Variants in EVC2 observed in about 807,000 individuals in gnomAD.
The protein encoded by EVC2 is EvC ciliary complex subunit 2.
EVC2 carries 148 observed loss-of-function variants against 149.3 expected under a neutral mutation model. That is an observed-to-expected ratio of 0.99 (90% CI 0.87 to 1.14). The LOEUF (loss-of-function observed/expected upper bound fraction) is 1.14, where lower values mean the gene tolerates loss of function less well. Among genes scored for constraint, EVC2 ranks in the 50% most tolerant of loss-of-function variants. EVC2 has a pLI of 0.00. For missense variants in EVC2, 1,854 were observed against 1,627.3 expected (o/e 1.14, Z -2.40); for synonymous variants, 776 against 649.9 (o/e 1.19, Z -2.95).
chr4:5,539,042 T>C (rs1030824079), downstream of EVC2, among the ~76,000 whole-genome samples: 5 of 152,062 alleles, frequency 3.3e-5, no homozygotes, highest in African/African-American at 1.2e-4. Context: ...GTTGTCTAAA[T>C]AGAAAACCTG....
At chr4:5,597,077 G>C (rs1247451236) in intron 16 of EVC2, among the ~76,000 whole-genome samples, 2 of 152,142 alleles carry the variant, frequency 1.3e-5, no homozygotes, top group Admixed American at 6.5e-5. Context: ...ATAATCAATA[G>C]CTTACCAACC....
At chr4:5,532,287 G>A in the EVC2 span, among the ~76,000 whole-genome samples, 2 of 152,102 alleles carry the variant, frequency 1.3e-5, no homozygotes, top group Non-Finnish European at 2.9e-5. Context: ...TGCTGTTCAG[G>A]CTTTCAACTG....
At chr4:5,706,433 G>GATAGATAC (rs1722188016) in intron 1 of EVC2, among the ~76,000 whole-genome samples, 55 of 25,720 alleles carry the variant, frequency 2.1e-3, no homozygotes, top group Middle Eastern at 0.019. Context: ...TAGATACATA[G>GATAGATAC]ATAGATAGAT....
chr4:5,595,660 C>G (rs993265421), intron 16 of EVC2, among the ~76,000 whole-genome samples: 1 of 152,152 alleles, frequency 6.6e-6, no homozygotes, highest in African/African-American at 2.4e-5. Context: ...ACTGCATCAA[C>G]TAACGAGCAA....
chr4:5,650,224 T>C (rs1197862598), intron 9 of EVC2, among the ~76,000 whole-genome samples: 2 of 152,080 alleles, frequency 1.3e-5, no homozygotes, highest in East Asian at 3.9e-4. Context: ...GCCCACTCCC[T>C]ACTCCACCCA....
In EVC2 at chr4:5,708,394, G is replaced by A. The variant is rs1298529957; in HGVS notation, c.120C>T (p.Arg40=). The A allele has an allele frequency of 2.7e-6, 4 of 1,496,678 alleles. No homozygotes were observed. The highest frequency in any genetic ancestry group is 2.2e-5 in the Admixed American group (1 of 46,364). 92.7% of individuals were successfully genotyped at this position (1,496,678 alleles called of 1,614,324 possible). A position where few individuals can be genotyped will look rare whatever the true frequency, so the allele number is the denominator to read the frequency against. Residue 40 remains arginine (R), a synonymous_variant, in exon 1 of 22, where the codon CGC becomes CGT. Coordinates refer to ENST00000344408, the MANE Select transcript of EVC2 (RefSeq NM_147127.5). ...CCCGGGGTGGCTGCGCGCCGAGGGGGCGCCAGCGGGGACGTGAGCTGGCGC... is the reference window on the plus strand; with the variant it reads ...CCCGGGGTGGCTGCGCGCCGAGGGGACGCCAGCGGGGACGTGAGCTGGCGC... The part of the protein sequence containing the change: ...CLGASSRPRW[R]PLGAQPPRDP...
At chr4:5,671,739 T>C (rs926440535) in intron 7 of EVC2, among the ~76,000 whole-genome samples, 1 of 152,196 alleles carries the variant, frequency 6.6e-6, no homozygotes, top group African/African-American at 2.4e-5. Context: ...CTTAAACTCC[T>C]GACCTCGTGC....
intron 19 of EVC2, among the ~76,000 whole-genome samples, chr4:5,570,866 C>G (rs1392803785): frequency 6.6e-6 from 1 of 151,986 alleles, no homozygotes; most frequent in Non-Finnish European, 1.5e-5. Flanking sequence ...GAGCTGGAGG[C>G]CATTATTCTA....
At chr4:5,665,424 A>T (rs890059093) in intron 8 of EVC2, 91 bp downstream of exon 8, 2 of 1,595,998 alleles carry the variant, frequency 1.3e-6, no homozygotes, top group Non-Finnish European at 8.6e-7. Flanking sequence ...AGCAATGCTG[A>T]TGGGGATCCA....
chr4:5,625,639 T>A lies in EVC2; in HGVS notation c.2046+110A>T. 7.0e-7 allele frequency: 1 copy of A among 1,428,396 alleles called. No individual in the cohort carries two copies. The highest frequency in any genetic ancestry group is 9.7e-7 in the Non-Finnish European group (1 of 1,029,512). The allele number at this position is 1,428,396 out of a possible 1,614,324, so 88.5% of individuals were successfully genotyped here. On this transcript the variant is annotated intron_variant, in intron 13 of 21. Transcript: ENST00000344408. This position sits in a 1 kb window ranked among gnomAD's most constrained non-coding sequence, Gnocchi z 4.0. ...TGGCACATCATGGTGCCTGCCCAGC[T>A]GCCCTTCTGATCCTAGTTCACCAAT...
At chr4:5,553,289 A>C (rs905786484) in intron 21 of EVC2, among the ~76,000 whole-genome samples, 7 of 152,096 alleles carry the variant, frequency 4.6e-5, no homozygotes, top group Non-Finnish European at 8.8e-5. Flanking sequence ...GCGAGCACTC[A>C]CTCGCTATTG....
At chr4:5,555,134 T>A (rs761854294) in intron 21 of EVC2, among the ~76,000 whole-genome samples, 6 of 151,650 alleles carry the variant, frequency 4.0e-5, no homozygotes, top group Admixed American at 3.9e-4. Context: ...GAAATAAGTA[T>A]AGCCACCAAA....
At chr4:5,555,829 A>G (rs566294771) in intron 21 of EVC2, among the ~76,000 whole-genome samples, 1 of 152,254 alleles carries the variant, frequency 6.6e-6, no homozygotes, top group East Asian at 1.9e-4. Flanking sequence ...CTACAAGTAC[A>G]GAATATAAAA....
chr4:5,535,958 G>A, the EVC2 span, among the ~76,000 whole-genome samples: 1 of 152,056 alleles, frequency 6.6e-6, no homozygotes, highest in Non-Finnish European at 1.5e-5. The surrounding 1 kb of genome is among the most constrained non-coding windows in gnomAD (Gnocchi z 4.7). Flanking sequence ...CATAGCAGGT[G>A]CTCAGTAAGT....
In EVC2 at chr4:5,631,425, C is replaced by T. The variant is rs113537528; in HGVS notation, c.1710+368G>A. Among the ~76,000 whole-genome samples the T allele has an allele frequency of 4.5e-3, 678 of 152,272 alleles. 5 individuals are homozygous for T. Among genetic ancestry groups the T allele is most frequent in the African/African-American group, 0.016 (645 of 41,542 alleles). On this transcript the variant is annotated intron_variant, in intron 11 of 21. Transcript: ENST00000344408. ...TATATACATTAAACATATGTTATGC[C>T]AAGCACTAACTTTCCACGAGTCAGC...
intron 17 of EVC2, among the ~76,000 whole-genome samples, chr4:5,577,518 G>A (rs2108780057): frequency 6.6e-6 from 1 of 152,256 alleles, no homozygotes; most frequent in South Asian, 2.1e-4. Flanking sequence ...ACCATGAGAG[G>A]GTGGTCCTTG....
chr4:5,541,759 T>C (rs780291157), downstream of EVC2, among the ~76,000 whole-genome samples: 1 of 152,092 alleles, frequency 6.6e-6, no homozygotes, highest in Non-Finnish European at 1.5e-5. Context: ...TCTGTAAAAA[T>C]AGATGATTAG....
chr4:5,615,888 G>A (rs944628975), intron 15 of EVC2, among the ~76,000 whole-genome samples: 2 of 152,312 alleles, frequency 1.3e-5, no homozygotes, highest in Admixed American at 6.5e-5. Context: ...AGAAGGGGAC[G>A]CTATGAATGA....
chr4:5,665,027 T>TGTGGGTGACGGGATGCCC (rs1719169652), intron 8 of EVC2, among the ~76,000 whole-genome samples: 1 of 150,574 alleles, frequency 6.6e-6, no homozygotes, highest in East Asian at 2.0e-4. Flanking sequence ...ACGGGATGCG[T>TGTGGGTGACGGGATGCCC]GTGGGTGATG....
Sources: allele counts gnomAD v4.1 joint callset (sites outside exome capture counted in the v4.1 genomes callset), GRCh38; gene constraint gnomAD v4.1.1; non-coding constraint Gnocchi (gnomAD v3.1); transcripts MANE v1.5; gene names NCBI Gene and HGNC (gene_info 2026-07-23, HGNC 2026-07-21).